Variants in BMP5 observed in about 807,000 individuals in gnomAD.
BMP5 encodes the protein bone morphogenetic protein 5.
Under a neutral mutation model 46.6 loss-of-function variants are expected in BMP5, and 23 were observed. The observed-to-expected ratio is 0.49, with a 90% CI of 0.35 to 0.70. The LOEUF (loss-of-function observed/expected upper bound fraction) is 0.70. Among genes scored for constraint, BMP5 ranks in the 30% least tolerant of loss-of-function variants. The pLI is 0.00. For synonymous variants in BMP5, 204 were observed against 191.9 expected, an observed-to-expected ratio of 1.06 and a Z score of -0.52; for missense variants, 545 against 565.6, an observed-to-expected ratio of 0.96 and a Z score of 0.37.
chr6:55,871,468 G>A (rs564568222), intron 1 of BMP5, among the ~76,000 whole-genome samples: 2 of 151,856 alleles, frequency 1.3e-5, no homozygotes, highest in African/African-American at 4.8e-5. Flanking sequence ...CTAAAATAAA[G>A]GTTAAAATGA....
At chr6:55,777,691 C>G (rs1213114863) in intron 3 of BMP5, among the ~76,000 whole-genome samples, 1 of 151,838 alleles carries the variant, frequency 6.6e-6, no homozygotes, top group Non-Finnish European at 1.5e-5. Context: ...ATTTTGTGGG[C>G]AAGAAGTCAT....
intron 1 of BMP5, among the ~76,000 whole-genome samples, chr6:55,872,380 C>T (rs1338324392): frequency 6.6e-6 from 1 of 151,636 alleles, no homozygotes; most frequent in Non-Finnish European, 1.5e-5. Context: ...CACAGTTTCT[C>T]TAAAGCTTAT....
intron 4 of BMP5, among the ~76,000 whole-genome samples, chr6:55,770,999 A>G (rs755664204): frequency 6.6e-6 from 1 of 151,962 alleles, no homozygotes; most frequent in Non-Finnish European, 1.5e-5. Context: ...AAATTTTGAA[A>G]TATTGCAAAA....
chr6:55,769,912 T>C (rs1225331167), intron 4 of BMP5, among the ~76,000 whole-genome samples: 2 of 151,802 alleles, frequency 1.3e-5, no homozygotes, highest in East Asian at 3.9e-4. Context: ...TTCTGGACAA[T>C]AGGTCTCAAC....
intron 4 of BMP5, among the ~76,000 whole-genome samples, chr6:55,763,977 C>T (rs67001898): frequency 6.6e-6 from 1 of 151,872 alleles, no homozygotes; most frequent in East Asian, 1.9e-4. Flanking sequence ...TGGTAAAACA[C>T]AAAAATTCCT....
chr6:55,766,945 T>C (rs1208139507), intron 4 of BMP5, among the ~76,000 whole-genome samples: 2 of 152,030 alleles, frequency 1.3e-5, no homozygotes, highest in African/African-American at 2.4e-5. Context: ...TTTTGGGCCA[T>C]ATAGTTAATA....
chr6:55,857,297 G>C (rs1278154043), intron 1 of BMP5, among the ~76,000 whole-genome samples: 1 of 152,126 alleles, frequency 6.6e-6, no homozygotes, highest in Non-Finnish European at 1.5e-5. Context: ...ACAGTATTGA[G>C]ACTCAAAAAG....
At chr6:55,771,546 T>C (rs1775047027) in intron 4 of BMP5, among the ~76,000 whole-genome samples, 1 of 151,846 alleles carries the variant, frequency 6.6e-6, no homozygotes, top group African/African-American at 2.4e-5. Flanking sequence ...CAACAAGTAT[T>C]TTGGGGACTC....
Position 55,757,165 on chromosome 6 carries a change from A to T in BMP5, c.1216-1483T>A, listed in dbSNP as rs899804725. Among the ~76,000 whole-genome samples the T allele has an allele frequency of 2.0e-5, 3 of 151,902 alleles. 1 individual carries two copies. Among genetic ancestry groups the T allele is most frequent in the South Asian group, 4.1e-4 (2 of 4,830 alleles). On this transcript the variant is annotated intron_variant, in intron 6 of 6. Transcript: ENST00000370830. ...CTGAAAATATGTATTTATTTATTTT[A>T]AAAAAGAAAAAATGAGAGAAGGGGG...
At chr6:55,863,082 C>T (rs570916208) in intron 1 of BMP5, among the ~76,000 whole-genome samples, 4 of 152,132 alleles carry the variant, frequency 2.6e-5, no homozygotes, top group Non-Finnish European at 5.9e-5. Context: ...CAGTCTTTCG[C>T]ACAGTGTCTG....
chr6:55,843,796 A>G (rs1386376307), intron 1 of BMP5, among the ~76,000 whole-genome samples: 1 of 152,142 alleles, frequency 6.6e-6, no homozygotes, highest in East Asian at 1.9e-4. Context: ...CAAGATTTAT[A>G]TGCAGGTTTG....
intron 1 of BMP5, among the ~76,000 whole-genome samples, chr6:55,840,827 G>A (rs897016436): frequency 6.6e-6 from 1 of 152,180 alleles, no homozygotes; most frequent in Non-Finnish European, 1.5e-5. Flanking sequence ...GCTTAAAGAT[G>A]ATGTAACTAG....
chr6:55,755,352 G>A lies in BMP5; in HGVS notation c.*181C>T, dbSNP rs1582038113. The A allele has an allele frequency of 1.7e-6, 1 of 584,544 alleles. No homozygotes were observed. The highest frequency in any genetic ancestry group is 3.0e-6 in the Non-Finnish European group (1 of 334,800). The allele number at this position is 584,544 out of a possible 1,614,324, so 36.2% of individuals were successfully genotyped here. ...AGATTTTATTGATAAAGCCTCCACA[G>A]AAGAGAATATATACGTTTAAATAAA... is the stretch of plus-strand genomic sequence containing the variant. On this transcript the variant is annotated 3_prime_UTR_variant, in exon 7 of 7. Transcript: ENST00000370830.
intron 6 of BMP5, among the ~76,000 whole-genome samples, chr6:55,756,639 G>A (rs1238705154): frequency 6.6e-6 from 1 of 151,924 alleles, no homozygotes; most frequent in Non-Finnish European, 1.5e-5. Context: ...AGTTTTGGCT[G>A]TACAACGTCC....
chr6:55,854,815 A>G (rs1230403496), intron 1 of BMP5, among the ~76,000 whole-genome samples: 4 of 152,180 alleles, frequency 2.6e-5, no homozygotes, highest in African/African-American at 4.8e-5. Flanking sequence ...TCAATTTGCA[A>G]GTATTTTAAT....
At chr6:55,782,883 A>G (rs1775359182) in intron 3 of BMP5, among the ~76,000 whole-genome samples, 1 of 152,114 alleles carries the variant, frequency 6.6e-6, no homozygotes, top group Admixed American at 6.6e-5. Flanking sequence ...AAGGCTCAAA[A>G]AAGAGTCAGA....
chr6:55,870,456 C>A (rs1030514861), intron 1 of BMP5, among the ~76,000 whole-genome samples: 1 of 151,120 alleles, frequency 6.6e-6, no homozygotes, highest in Admixed American at 6.6e-5. Context: ...GCATTAGTTA[C>A]TCCAGGCATA....
intron 1 of BMP5, among the ~76,000 whole-genome samples, chr6:55,822,251 T>C (rs930295469): frequency 2.0e-5 from 3 of 152,190 alleles, no homozygotes; most frequent in African/African-American, 4.8e-5. Flanking sequence ...TAAAATCTTG[T>C]ATTTACAAGT....
chr6:55,794,588 A>C (rs1301897444), intron 2 of BMP5, among the ~76,000 whole-genome samples, 161 bp from the exon 3 acceptor site: 1 of 152,204 alleles, frequency 6.6e-6, no homozygotes, highest in East Asian at 1.9e-4. Context: ...TAAGATACAA[A>C]ACCTTTGTTA....
Sources: gnomAD v4.1 joint callset for allele counts (sites outside exome capture counted in the v4.1 genomes callset) on GRCh38, gnomAD v4.1.1 for gene constraint, MANE v1.5 for transcripts, NCBI Gene and HGNC (gene_info 2026-07-23, HGNC 2026-07-21) for gene names.